The following SRGAP1 variants were observed in gnomAD, a reference collection of about 807,000 sequenced individuals.
The protein encoded by SRGAP1 is SLIT-ROBO Rho GTPase activating protein 1.
SRGAP1 carries 43 observed loss-of-function variants against 121.9 expected under a neutral mutation model. The observed-to-expected ratio is 0.35, with a 90% CI of 0.28 to 0.46. The LOEUF is 0.46. SRGAP1 is among the 20% of genes least tolerant of loss of function. SRGAP1 has a pLI of 1.00. For missense variants in SRGAP1, 1,102 were observed against 1,350.9 expected, an observed-to-expected ratio of 0.82 and a Z score of 2.89; for synonymous variants, 447 against 485.4, an observed-to-expected ratio of 0.92 and a Z score of 1.04.
chr12:63,867,076 C>A (rs1337301503), intron 1 of SRGAP1, among the ~76,000 whole-genome samples: 1 of 152,150 alleles, frequency 6.6e-6, no homozygotes, highest in Non-Finnish European at 1.5e-5. Flanking sequence ...GTCTCGAACT[C>A]CTGGACTTAA....
intron 1 of SRGAP1, among the ~76,000 whole-genome samples, chr12:63,846,197 A>G (rs2136248579): frequency 6.6e-6 from 1 of 152,320 alleles, no homozygotes; most frequent in Non-Finnish European, 1.5e-5. Context: ...GATAATTTAT[A>G]CTTACAGGAA....
At chr12:63,995,173 A>G (rs188479401) in intron 3 of SRGAP1, among the ~76,000 whole-genome samples, 77 of 152,312 alleles carry the variant, frequency 5.1e-4, no homozygotes, top group Non-Finnish European at 9.9e-4. Context: ...TTGTTTTAAA[A>G]TCATTAATAT....
At chr12:64,135,522 T>G (rs2036844294) in intron 21 of SRGAP1, among the ~76,000 whole-genome samples, 1 of 152,148 alleles carries the variant, frequency 6.6e-6, no homozygotes, top group African/African-American at 2.4e-5. Context: ...TGTTCCTTGG[T>G]TCTCTACATA....
intron 1 of SRGAP1, among the ~76,000 whole-genome samples, chr12:63,974,015 T>C (rs1052273449): frequency 1.3e-5 from 2 of 152,184 alleles, no homozygotes; most frequent in Non-Finnish European, 2.9e-5. Context: ...ACACTGTCTT[T>C]CTGTAGTAGT....
chr12:63,876,982 T>C (rs548303254), intron 1 of SRGAP1, among the ~76,000 whole-genome samples: 2 of 152,262 alleles, frequency 1.3e-5, no homozygotes, highest in South Asian at 4.1e-4. Flanking sequence ...CCAGCACTTT[T>C]GGAGGCTGAG....
intron 1 of SRGAP1, among the ~76,000 whole-genome samples, chr12:63,885,436 G>C (rs1180317889): frequency 6.6e-6 from 1 of 152,170 alleles, no homozygotes; most frequent in South Asian, 2.1e-4. Context: ...ATGTTCAGCT[G>C]TCCAGAAGCT....
chr12:64,137,268 C>CA (rs60729208), intron 21 of SRGAP1, among the ~76,000 whole-genome samples: 14,162 of 118,740 alleles, frequency 0.12, 1,494 homozygotes, highest in African/African-American at 0.32. Flanking sequence ...GACTCCGTCT[C>CA]AAAAAAAAAA....
intron 8 of SRGAP1, 26 bp from the exon 9 acceptor site, chr12:64,078,893 C>T (rs373505032): frequency 2.9e-5 from 46 of 1,602,898 alleles, no homozygotes; most frequent in South Asian, 2.3e-4. Context: ...AATGTACTAA[C>T]GTGAGAAATG....
chr12:64,023,041 CTCA>C (rs2034582309), intron 4 of SRGAP1, among the ~76,000 whole-genome samples: 1 of 152,064 alleles, frequency 6.6e-6, no homozygotes, highest in African/African-American at 2.4e-5. Context: ...TGTTAGCCTC[CTCA>C]TCATCATCGC....
intron 3 of SRGAP1, among the ~76,000 whole-genome samples, chr12:63,997,299 A>G (rs996753151): frequency 6.6e-6 from 1 of 152,130 alleles, no homozygotes; most frequent in African/African-American, 2.4e-5. Flanking sequence ...AGTAGATTAT[A>G]CCATATAGAA....
At chr12:63,913,454 C>CATATAT (rs570506869) in intron 1 of SRGAP1, among the ~76,000 whole-genome samples, 2 of 124,110 alleles carry the variant, frequency 1.6e-5, no homozygotes, top group African/African-American at 3.0e-5. Context: ...ACTGTGTCCA[C>CATATAT]ATATATATAT....
At chr12:64,012,551 CTTTTTTTTTTTTT>C (rs386376760) in intron 3 of SRGAP1, among the ~76,000 whole-genome samples, 1 of 77,662 alleles carries the variant, frequency 1.3e-5, no homozygotes, top group Non-Finnish European at 2.3e-5. Context: ...AAGTTATTAT[CTTTTTTTTTTTTT>C]TTTTTTTTTT....
chr12:64,115,172 T>C (rs1324707321), intron 17 of SRGAP1, among the ~76,000 whole-genome samples: 3 of 152,278 alleles, frequency 2.0e-5, no homozygotes, highest in South Asian at 2.1e-4. Flanking sequence ...CAAAATGAAT[T>C]TGTAAAAAAC....
At chr12:64,135,272 A>G (rs2036841309) in intron 21 of SRGAP1, among the ~76,000 whole-genome samples, 1 of 152,110 alleles carries the variant, frequency 6.6e-6, no homozygotes. Flanking sequence ...AACAGTAGAC[A>G]CCTGGTGAGG....
intron 11 of SRGAP1, among the ~76,000 whole-genome samples, chr12:64,088,832 C>A (rs377111901): frequency 6.6e-6 from 1 of 152,132 alleles, no homozygotes; most frequent in Non-Finnish European, 1.5e-5. Flanking sequence ...CCCAGTCATG[C>A]GGGGACAATG....
chr12:64,040,822 T>C (rs868068739), intron 4 of SRGAP1, among the ~76,000 whole-genome samples: 40 of 152,206 alleles, frequency 2.6e-4, no homozygotes, highest in Admixed American at 5.9e-4. Context: ...AATAGATCAG[T>C]TTATTTTAAT....
intron 8 of SRGAP1, among the ~76,000 whole-genome samples, chr12:64,075,329 G>A (rs575210282): frequency 1.5e-3 from 232 of 152,350 alleles, no homozygotes; most frequent in African/African-American, 5.4e-3. Context: ...TATTGTTTGT[G>A]GCTTAAGAAT....
At chr12:63,855,480 T>TTTG (rs2136258908) in intron 1 of SRGAP1, among the ~76,000 whole-genome samples, 1 of 113,342 alleles carries the variant, frequency 8.8e-6, no homozygotes, top group South Asian at 3.3e-4. Context: ...GGTGTTTTTT[T>TTTG]TTTTTTTTTT....
At chr12:64,083,321 A>G (rs974769962) in intron 10 of SRGAP1, among the ~76,000 whole-genome samples, 1 of 152,238 alleles carries the variant, frequency 6.6e-6, no homozygotes, top group African/African-American at 2.4e-5. Flanking sequence ...CCTTCATAGT[A>G]AAACAAATAG....
Sources: allele counts gnomAD v4.1 joint callset (sites outside exome capture counted in the v4.1 genomes callset), GRCh38; gene constraint gnomAD v4.1.1; transcripts MANE v1.5; gene names NCBI Gene and HGNC (gene_info 2026-07-23, HGNC 2026-07-21).